Variants in NUBPL observed in about 807,000 individuals in gnomAD.
NUBPL encodes NUBP iron-sulfur cluster assembly factor, mitochondrial, also known as iron-sulfur cluster transfer protein NUBPL.
In NUBPL, 31 loss-of-function variants were observed where a neutral mutation model predicts 45.7. The observed-to-expected ratio is 0.68, with a 90% CI of 0.51 to 0.92. The LOEUF is 0.92. Among genes scored for constraint, NUBPL ranks in the 40% least tolerant of loss-of-function variants. The probability of loss-of-function intolerance (pLI) is 0.00; values close to 1 mark genes in which losing one functional copy is unlikely to be tolerated. For missense variants in NUBPL, 401 were observed against 398.7 expected (o/e 1.01, Z -0.05); for synonymous variants, 144 against 140.9 (o/e 1.02, Z -0.15).
chr14:31,642,665 C>G (rs749428433), intron 4 of NUBPL, among the ~76,000 whole-genome samples: 4 of 151,838 alleles, frequency 2.6e-5, no homozygotes, highest in Non-Finnish European at 5.9e-5. Flanking sequence ...TTTTGGCTAT[C>G]CTGGGCCTTT....
intron 6 of NUBPL, among the ~76,000 whole-genome samples, chr14:31,690,793 T>G (rs1428894793): frequency 6.6e-6 from 1 of 152,124 alleles, no homozygotes; most frequent in African/African-American, 2.4e-5. Flanking sequence ...CTCAGAGAAA[T>G]TCAAGACCTT....
chr14:31,721,447 T>C (rs569933153), intron 6 of NUBPL, among the ~76,000 whole-genome samples: 1 of 152,212 alleles, frequency 6.6e-6, no homozygotes, highest in South Asian at 2.1e-4. Context: ...ATGGCTGAAA[T>C]TTTCACTGCT....
intron 6 of NUBPL, among the ~76,000 whole-genome samples, chr14:31,778,643 G>T (rs768943034): frequency 2.0e-5 from 3 of 152,210 alleles, no homozygotes; most frequent in Non-Finnish European, 4.4e-5. Flanking sequence ...TTTAACTACT[G>T]CCATTGCTGT....
At chr14:31,579,838 G>A (rs2033817122) in intron 3 of NUBPL, among the ~76,000 whole-genome samples, 1 of 152,160 alleles carries the variant, frequency 6.6e-6, no homozygotes, top group Admixed American at 6.5e-5. Context: ...AATATCTAGG[G>A]TGTTACCTGG....
At chr14:31,792,378 C>A (rs1014581487) in intron 7 of NUBPL, among the ~76,000 whole-genome samples, 3 of 152,190 alleles carry the variant, frequency 2.0e-5, no homozygotes, top group Non-Finnish European at 2.9e-5. Flanking sequence ...CTTTAACTCA[C>A]ACATTCCAGG....
chr14:31,703,767 A>G (rs1397798830), intron 6 of NUBPL, among the ~76,000 whole-genome samples: 1 of 152,230 alleles, frequency 6.6e-6, no homozygotes, highest in Non-Finnish European at 1.5e-5. Flanking sequence ...ACACAGAGCC[A>G]AGCCATATCA....
At chr14:31,800,116 A>C (rs2039557900) in intron 7 of NUBPL, among the ~76,000 whole-genome samples, 1 of 152,196 alleles carries the variant, frequency 6.6e-6, no homozygotes, top group African/African-American at 2.4e-5. Flanking sequence ...TTTGATAATG[A>C]GATTTCAGCA....
intron 6 of NUBPL, among the ~76,000 whole-genome samples, chr14:31,688,649 TTTGTTGTTG>T: frequency 9.5e-6 from 1 of 105,622 alleles, no homozygotes; most frequent in African/African-American, 4.7e-5. Flanking sequence ...TGAACAGGTT[TTTGTTGTTG>T]TTTTTTTTTT....
chr14:31,668,478 G>A (rs1241297091), intron 4 of NUBPL, among the ~76,000 whole-genome samples: 40 of 152,198 alleles, frequency 2.6e-4, no homozygotes. Context: ...CAAGCCAGTG[G>A]ATCTTAGCTT....
chr14:31,682,120 A>G (rs2036848528), intron 6 of NUBPL, among the ~76,000 whole-genome samples: 1 of 152,106 alleles, frequency 6.6e-6, no homozygotes, highest in South Asian at 2.1e-4. Flanking sequence ...ATGAGAGAGG[A>G]GTGTTAACAT....
At chr14:31,674,320 A>G (rs1267427820) in intron 6 of NUBPL, among the ~76,000 whole-genome samples, 1 of 152,220 alleles carries the variant, frequency 6.6e-6, no homozygotes, top group Non-Finnish European at 1.5e-5. Flanking sequence ...TTCTAATGGT[A>G]GATACTCCTA....
chr14:31,716,048 A>G (rs2037681687), intron 6 of NUBPL, among the ~76,000 whole-genome samples: 1 of 152,012 alleles, frequency 6.6e-6, no homozygotes, highest in African/African-American at 2.4e-5. Context: ...TTAGACACAG[A>G]CACTCATATT....
At chr14:31,693,319 G>T (rs1205162329) in intron 6 of NUBPL, among the ~76,000 whole-genome samples, 1 of 152,096 alleles carries the variant, frequency 6.6e-6, no homozygotes, top group Non-Finnish European at 1.5e-5. Context: ...ATGGAGGCAT[G>T]AGAAAAATAC....
chr14:31,753,408 C>A (rs1298217139), intron 6 of NUBPL, among the ~76,000 whole-genome samples: 1 of 152,130 alleles, frequency 6.6e-6, no homozygotes, highest in Non-Finnish European at 1.5e-5. Flanking sequence ...TGTATGTTGG[C>A]TCCCCTAGCC....
chr14:31,566,836 G>C (rs1390238752), intron 3 of NUBPL, among the ~76,000 whole-genome samples: 1 of 152,118 alleles, frequency 6.6e-6, no homozygotes, highest in Non-Finnish European at 1.5e-5. Context: ...TGGCCTTGAA[G>C]ACAGAAGGGG....
At chr14:31,831,597 T>C (rs188267773) in intron 8 of NUBPL, among the ~76,000 whole-genome samples, 2 of 152,186 alleles carry the variant, frequency 1.3e-5, no homozygotes, top group East Asian at 3.9e-4. Flanking sequence ...AAATATATAC[T>C]GAGTGAATGA....
intron 4 of NUBPL, among the ~76,000 whole-genome samples, chr14:31,663,583 G>T (rs1425237147): frequency 1.3e-5 from 2 of 152,114 alleles, no homozygotes; most frequent in African/African-American, 4.8e-5. Flanking sequence ...CCTCTGTTCT[G>T]TTCCATTGGT....
intron 4 of NUBPL, among the ~76,000 whole-genome samples, chr14:31,617,256 A>G (rs974491700): frequency 2.0e-5 from 3 of 152,058 alleles, no homozygotes; most frequent in African/African-American, 4.8e-5. Flanking sequence ...CTAATTGAAT[A>G]CCCTTTATGT....
At chr14:31,562,257 G>A in intron 2 of NUBPL, 42 bp downstream of exon 2, 1 of 1,556,190 alleles carries the variant, frequency 6.4e-7, no homozygotes, top group Non-Finnish European at 8.8e-7. Context: ...AAGAACTTAT[G>A]CCAACAGACA....
Sources: gnomAD v4.1 joint callset for allele counts (sites outside exome capture counted in the v4.1 genomes callset) on GRCh38, gnomAD v4.1.1 for gene constraint, MANE v1.5 for transcripts, NCBI Gene and HGNC (gene_info 2026-07-23, HGNC 2026-07-21) for gene names.